The following PDE4D variants were observed in gnomAD, a reference collection of about 807,000 sequenced individuals.
PDE4D encodes the protein 3',5'-cyclic-AMP phosphodiesterase 4D.
PDE4D carries 24 observed loss-of-function variants against 87.4 expected under a neutral mutation model. The observed-to-expected ratio is 0.27, with a 90% CI of 0.20 to 0.39. PDE4D has a LOEUF of 0.39. PDE4D is among the 10% of genes least tolerant of loss of function. The pLI is 1.00. For synonymous variants in PDE4D, 384 were observed against 383.2 expected, an observed-to-expected ratio of 1.00 and a Z score of -0.02; for missense variants, 714 against 1,041.0, an observed-to-expected ratio of 0.69 and a Z score of 4.32.
At chr5:59,995,686 TCTGC>T (rs772330444) in intron 2 of PDE4D, among the ~76,000 whole-genome samples, 58 of 152,206 alleles carry the variant, frequency 3.8e-4, no homozygotes, top group Non-Finnish European at 7.2e-4. Flanking sequence ...ACAAATATCT[TCTGC>T]CTTTTTATTT....
intron 1 of PDE4D, among the ~76,000 whole-genome samples, chr5:59,446,198 C>A (rs1374377882): frequency 6.6e-6 from 1 of 151,862 alleles, no homozygotes; most frequent in African/African-American, 2.4e-5. Context: ...AGACAAATAT[C>A]AATGGATCAT....
intron 3 of PDE4D, among the ~76,000 whole-genome samples, chr5:59,965,485 A>G (rs1277723450): frequency 6.6e-6 from 1 of 152,172 alleles, no homozygotes; most frequent in African/African-American, 2.4e-5. Context: ...TGTGACTCCA[A>G]TGCATATCTC....
At chr5:58,999,427 T>C (rs928797442) in intron 6 of PDE4D, 11 of 845,914 alleles carry the variant, frequency 1.3e-5, no homozygotes, top group African/African-American at 3.4e-5. Flanking sequence ...CAGTAGAGTC[T>C]AAGCTTTCTA....
At chr5:59,799,246 T>C (rs1766845034) in intron 1 of PDE4D, among the ~76,000 whole-genome samples, 1 of 152,214 alleles carries the variant, frequency 6.6e-6, no homozygotes, top group Non-Finnish European at 1.5e-5. Context: ...GGGGTCTGTT[T>C]TGATCTTGGA....
chr5:59,726,717 T>C (rs1756645739), intron 1 of PDE4D, among the ~76,000 whole-genome samples: 2 of 152,166 alleles, frequency 1.3e-5, no homozygotes, highest in South Asian at 4.1e-4. Flanking sequence ...TTAATATTGA[T>C]ACAACTTTAG....
chr5:60,203,389 TAATA>T (rs1457165849), intron 1 of PDE4D, among the ~76,000 whole-genome samples: 3 of 152,220 alleles, frequency 2.0e-5, no homozygotes, highest in African/African-American at 7.2e-5. Context: ...GTGTTTATTG[TAATA>T]AATAGCTGAC....
At chr5:59,779,922 A>G (rs1764440554) in intron 1 of PDE4D, among the ~76,000 whole-genome samples, 1 of 152,224 alleles carries the variant, frequency 6.6e-6, no homozygotes, top group South Asian at 2.1e-4. Flanking sequence ...AAAGTAGATT[A>G]TTCAATTTAC....
chr5:59,392,108 C>CTTGTGATATCA (rs1788352632), intron 1 of PDE4D, among the ~76,000 whole-genome samples: 1 of 151,706 alleles, frequency 6.6e-6, no homozygotes, highest in Non-Finnish European at 1.5e-5. Flanking sequence ...AGTATGCCTT[C>CTTGTGATATCA]TGTGATAATC....
chr5:59,514,996 T>C (rs1209868292), intron 1 of PDE4D, among the ~76,000 whole-genome samples: 1 of 152,268 alleles, frequency 6.6e-6, no homozygotes, highest in Non-Finnish European at 1.5e-5. Flanking sequence ...TCTATGTACC[T>C]ATATGTGTAT....
chr5:60,176,055 G>C lies in PDE4D; in HGVS notation c.42+9502C>G, dbSNP rs1422691782. ...GGTTGTGGGTTTGAAGGTGGCTGCT[G>C]TTCTCCCCAGTCTTTCCTGTGAGTG... On this transcript the variant is annotated intron_variant, in intron 2 of 16. Transcript: ENST00000502484. Among the ~76,000 whole-genome samples the C allele has an allele frequency of 2.6e-5, 4 of 152,132 alleles. No individual in the cohort carries two copies. In the East Asian group the frequency reaches 7.7e-4, roughly 29 times the overall value.
At chr5:59,733,519 T>C (rs17799450) in intron 1 of PDE4D, among the ~76,000 whole-genome samples, 9,806 of 152,172 alleles carry the variant, frequency 0.064, 370 homozygotes, top group Middle Eastern at 0.15. Context: ...TGGAAAGTGT[T>C]AGGATTCTAT....
intron 1 of PDE4D, among the ~76,000 whole-genome samples, chr5:60,484,655 G>A (rs991608984): frequency 6.6e-6 from 1 of 152,012 alleles, no homozygotes; most frequent in African/African-American, 2.4e-5. Flanking sequence ...AGCTCCAATG[G>A]GAGCTTCAAT....
chr5:59,729,455 A>C (rs1402416055), intron 1 of PDE4D, among the ~76,000 whole-genome samples: 1 of 152,144 alleles, frequency 6.6e-6, no homozygotes, highest in African/African-American at 2.4e-5. Context: ...GATTTTATCA[A>C]AGGATAAATG....
At chr5:59,792,402 C>CTGTGTGTGTGTG (rs3062592) in intron 1 of PDE4D, among the ~76,000 whole-genome samples, 8,575 of 138,706 alleles carry the variant, frequency 0.062, 300 homozygotes, top group Non-Finnish European at 0.073. Flanking sequence ...CTCCAAGAAG[C>CTGTGTGTGTGTG]TGTGTGTGTG....
intron 1 of PDE4D, among the ~76,000 whole-genome samples, chr5:60,508,113 C>T (rs917496276): frequency 1.3e-5 from 2 of 152,132 alleles, no homozygotes; most frequent in Non-Finnish European, 2.9e-5. Context: ...TATAAATCCC[C>T]GAAGCTCTAA....
Position 60,090,527 on chromosome 5 carries a change from C to T in PDE4D, c.42+95030G>A, listed in dbSNP as rs77045308. 3.4e-3 allele frequency among the ~76,000 whole-genome samples: 524 copies of T among 152,108 alleles called. 1 individual carries two copies. The highest frequency in any genetic ancestry group is 5.9e-3 in the Non-Finnish European group (399 of 67,934). On this transcript the variant is annotated intron_variant, in intron 2 of 16. Coordinates refer to the PDE4D transcript ENST00000502484. ...CAAACTGGATACATAAGAAATATAC[C>T]TCGAAACAATAAAGATCTTACATGA...
At chr5:59,235,848 G>A (rs1050475678) in intron 1 of PDE4D, among the ~76,000 whole-genome samples, 2 of 152,116 alleles carry the variant, frequency 1.3e-5, no homozygotes, top group African/African-American at 4.8e-5. Context: ...ATGCTTTATA[G>A]TGTATGGTAA....
chr5:59,712,188 G>A (rs1451371356), intron 1 of PDE4D, among the ~76,000 whole-genome samples: 1 of 151,610 alleles, frequency 6.6e-6, no homozygotes, highest in Non-Finnish European at 1.5e-5. Context: ...TTATCCTAGA[G>A]CAGTCCATAA....
At chr5:60,363,438 C>G (rs1019351229) in intron 1 of PDE4D, among the ~76,000 whole-genome samples, 3 of 152,182 alleles carry the variant, frequency 2.0e-5, no homozygotes, top group Admixed American at 2.0e-4. Flanking sequence ...AGTAAAGCCA[C>G]TGAATGTGGG....
Sources: allele counts gnomAD v4.1 joint callset (sites outside exome capture counted in the v4.1 genomes callset), GRCh38; gene constraint gnomAD v4.1.1; transcripts MANE v1.5; gene names NCBI Gene and HGNC (gene_info 2026-07-23, HGNC 2026-07-21).